Variants in GPHN observed in about 807,000 individuals in gnomAD.
GPHN encodes gephyrin.
Under a neutral mutation model 95.5 loss-of-function variants are expected in GPHN, and 17 were observed. That is an observed-to-expected ratio of 0.18 (90% CI 0.12 to 0.27). The LOEUF is 0.27. Among genes scored for constraint, GPHN ranks in the 10% least tolerant of loss-of-function variants. The probability of loss-of-function intolerance (pLI) is 1.00; values close to 1 mark genes in which losing one functional copy is unlikely to be tolerated. For synonymous variants in GPHN, 320 were observed against 322.5 expected (o/e 0.99, Z 0.08); for missense variants, 660 against 978.1 (o/e 0.67, Z 4.34).
rs34581492 is a variant in GPHN at position 66,669,364 on chromosome 14, CA to C, written c.65-11726del. 8.2e-3 allele frequency among the ~76,000 whole-genome samples: 989 copies of C among 120,198 alleles called. 8 individuals are homozygous for C. The highest frequency in any genetic ancestry group is 0.017 in the African/African-American group (639 of 37,192). 78.9% of individuals were successfully genotyped at this position (120,198 alleles called of 152,430 possible). A position where few individuals can be genotyped will look rare whatever the true frequency, so the allele number is the denominator to read the frequency against. On this transcript the variant is annotated intron_variant, in intron 1 of 22. Coordinates refer to ENST00000478722, the MANE Select transcript of GPHN (RefSeq NM_020806.5). ...GGGCAACAAGAGTGAAACTCTGTCT[CA>C]AAAAAAAAAAAAAAAAGATATTTCC... is the stretch of plus-strand genomic sequence containing the variant.
At chr14:67,126,301 A>G (rs116926149) in intron 17 of GPHN, among the ~76,000 whole-genome samples, 1,831 of 152,320 alleles carry the variant, frequency 0.012, 19 homozygotes, top group Non-Finnish European at 0.018. Context: ...AATGGAATCT[A>G]AATTTCCTGA....
At chr14:67,037,106 A>T (rs2074458806) in intron 10 of GPHN, among the ~76,000 whole-genome samples, 1 of 152,072 alleles carries the variant, frequency 6.6e-6, no homozygotes, top group African/African-American at 2.4e-5. Flanking sequence ...ATGTAACAGA[A>T]TATAGAGCCC....
At chr14:67,656,327 C>T in the GPHN span, 345 of 1,240,240 alleles carry the variant, frequency 2.8e-4, 1 homozygote, top group Non-Finnish European at 3.5e-4. Context: ...TACAGAACTG[C>T]TGTAGCTTTT....
chr14:66,836,775 A>T (rs1218027808), intron 4 of GPHN, among the ~76,000 whole-genome samples: 27 of 152,056 alleles, frequency 1.8e-4, no homozygotes, highest in South Asian at 1.2e-3. Flanking sequence ...CATCAAAAAG[A>T]GGGCGAAGGA....
intron 16 of GPHN, among the ~76,000 whole-genome samples, chr14:67,120,152 A>G (rs1412426912): frequency 5.9e-5 from 9 of 151,758 alleles, no homozygotes; most frequent in Non-Finnish European, 1.0e-4. Context: ...AGGTGGGAAG[A>G]TAGTGGTACC....
intron 4 of GPHN, 116 bp from the exon 5 acceptor site, chr14:66,879,823 A>G: frequency 2.8e-6 from 2 of 725,428 alleles, no homozygotes; most frequent in Non-Finnish European, 5.0e-6. Context: ...TTCAGAAACT[A>G]AAAGTATGGT....
intron 9 of GPHN, among the ~76,000 whole-genome samples, chr14:66,968,665 TACTTA>T (rs1305979826): frequency 6.6e-6 from 1 of 152,168 alleles, no homozygotes; most frequent in Non-Finnish European, 1.5e-5. Context: ...TTAAGCAAGT[TACTTA>T]ACTTTACTGA....
the GPHN span, among the ~76,000 whole-genome samples, chr14:67,345,094 T>A: frequency 6.6e-6 from 1 of 151,322 alleles, no homozygotes; most frequent in Non-Finnish European, 1.5e-5. Flanking sequence ...ATACAAAAAT[T>A]AGCTAGGTGT....
intron 4 of GPHN, among the ~76,000 whole-genome samples, chr14:66,840,089 G>A (rs902654038): frequency 6.6e-6 from 1 of 151,948 alleles, no homozygotes; most frequent in Non-Finnish European, 1.5e-5. Flanking sequence ...GACCAGCCTG[G>A]CCAACACGGT....
At chr14:67,583,936 T>C in the GPHN span, 2 of 1,611,848 alleles carry the variant, frequency 1.2e-6, no homozygotes, top group East Asian at 2.2e-5. Flanking sequence ...GTCTCAGGCC[T>C]GGAATGAAGA....
At chr14:67,596,682 A>C in the GPHN span, among the ~76,000 whole-genome samples, 1 of 152,266 alleles carries the variant, frequency 6.6e-6, no homozygotes, top group African/African-American at 2.4e-5. Context: ...TTGCTGAATC[A>C]GTTTAGAAAG....
At chr14:67,469,667 G>GTGT in the GPHN span, among the ~76,000 whole-genome samples, 9 of 151,922 alleles carry the variant, frequency 5.9e-5, no homozygotes, top group Non-Finnish European at 1.0e-4. Flanking sequence ...GGTGGTGGTG[G>GTGT]TGGTGGGAGG....
chr14:67,104,273 T>C (rs2077910720), intron 13 of GPHN, among the ~76,000 whole-genome samples: 1 of 152,172 alleles, frequency 6.6e-6, no homozygotes, highest in Admixed American at 6.5e-5. Flanking sequence ...GTTGCAAGTG[T>C]TTTATTAAGC....
intron 3 of GPHN, among the ~76,000 whole-genome samples, chr14:66,822,203 G>A (rs978909488): frequency 6.6e-6 from 1 of 152,130 alleles, no homozygotes; most frequent in Non-Finnish European, 1.5e-5. Flanking sequence ...ACCCACCTCG[G>A]CCTCCCAAAG....
At chr14:67,695,308 G>A in the GPHN span, among the ~76,000 whole-genome samples, 1 of 152,206 alleles carries the variant, frequency 6.6e-6, no homozygotes, top group Admixed American at 6.5e-5. Flanking sequence ...TCCCATTGAA[G>A]AGTCCGAAAC....
At chr14:66,657,731 G>C (rs1472873482) in intron 1 of GPHN, among the ~76,000 whole-genome samples, 1 of 152,078 alleles carries the variant, frequency 6.6e-6, no homozygotes, top group Non-Finnish European at 1.5e-5. Flanking sequence ...TAAGTCCACT[G>C]TTGAGACCTA....
At chr14:67,569,808 TCTGTCACTGG>T in the GPHN span, 21 of 713,322 alleles carry the variant, frequency 2.9e-5, no homozygotes, top group Non-Finnish European at 5.3e-5. Flanking sequence ...CCTCTTGAGA[TCTGTCACTGG>T]CCTGCTCCTG....
chr14:66,508,538 A>G lies in GPHN; in HGVS notation c.11A>G (p.Glu4Gly). 2 of 1,614,040 alleles carry G rather than the reference A, an allele frequency of 1.2e-6. No homozygotes were observed. The highest frequency in any genetic ancestry group is 1.7e-6 in the Non-Finnish European group (2 of 1,179,908). The change falls in exon 1 of 23, where the codon GAG (glutamate) becomes GGG (glycine). Residue 4 changes from glutamate to glycine, a missense_variant. This residue lies in a region of GPHN where 92 missense variants were observed against 91.9 expected (regional missense o/e 1.00). Coordinates refer to ENST00000478722, the MANE Select transcript of GPHN (RefSeq NM_020806.5). ...ACTGCGCTGGGAAACATGGCGACCG[A>G]GGGAATGATCCTTACTAACCACGAC... is the stretch of plus-strand genomic sequence containing the variant. MATEGMILTNHDHQ... is the reference protein window; with the variant it reads MATGGMILTNHDHQ...
chr14:66,901,070 A>T (rs967496780), intron 5 of GPHN, among the ~76,000 whole-genome samples: 2 of 152,000 alleles, frequency 1.3e-5, no homozygotes, highest in Non-Finnish European at 2.9e-5. Context: ...TGTCTTTTTG[A>T]TAAAAAGCCA....
Sources: allele counts gnomAD v4.1 joint callset (sites outside exome capture counted in the v4.1 genomes callset), GRCh38; gene constraint gnomAD v4.1.1; regional missense constraint gnomAD v4.1.1; transcripts MANE v1.5; gene names NCBI Gene and HGNC (gene_info 2026-07-23, HGNC 2026-07-21).